SCAMP2: variants seen among roughly 807,000 people sequenced by gnomAD.
The protein encoded by SCAMP2 is secretory carrier-associated membrane protein 2.
Under a neutral mutation model 44.1 loss-of-function variants are expected in SCAMP2, and 25 were observed. That is an observed-to-expected ratio of 0.57 (90% CI 0.41 to 0.79). The LOEUF (loss-of-function observed/expected upper bound fraction) is 0.79. Ranked by LOEUF, SCAMP2 falls within the 30% of genes least tolerant of loss-of-function variation. SCAMP2 has a pLI of 0.00. For synonymous variants in SCAMP2, 156 were observed against 166.0 expected, an observed-to-expected ratio of 0.94 and a Z score of 0.46; for missense variants, 355 against 411.0, an observed-to-expected ratio of 0.86 and a Z score of 1.18.
Position 74,862,855 on chromosome 15 carries a change from C to CACACACATACACACACAT in SCAMP2, c.58-8207_58-8206insATGTGTGTGTATGTGTGT, listed in dbSNP as rs1200812403. Among the ~76,000 whole-genome samples the CACACACATACACACACAT allele has an allele frequency of 2.4e-4, 5 of 21,224 alleles. 1 individual carries two copies. Among genetic ancestry groups the CACACACATACACACACAT allele is most frequent in the African/African-American group, 9.0e-4 (5 of 5,548 alleles). The allele number at this position is 21,224 out of a possible 152,430, so 13.9% of individuals were successfully genotyped here. A position where few individuals can be genotyped will look rare whatever the true frequency, so the allele number is the denominator to read the frequency against. ...AAAAAAAAACAAAAAACAAACCATA[C>CACACACATACACACACAT]ACACACACACACACACACACACACA... On this transcript the variant is annotated intron_variant, in intron 1 of 8. Transcript: ENST00000268099.
Position 74,851,343 on chromosome 15 carries a change from T to A in SCAMP2, c.472+10A>T, listed in dbSNP as rs1567249973. Reference sequence around the variant, plus strand: ...CGCCCTTGCGCTTGGAAGGCAGGAGTGGGACTCACACATCCACAGATAGTA... The same window carrying A: ...CGCCCTTGCGCTTGGAAGGCAGGAGAGGGACTCACACATCCACAGATAGTA... On this transcript the variant is annotated intron_variant, in intron 5 of 8. Transcript: ENST00000268099. 6.2e-7 allele frequency: 1 copy of A among 1,611,976 alleles called. No individual in the cohort carries two copies. The highest frequency in any genetic ancestry group is 1.7e-5 in the Admixed American group (1 of 59,942).
intron 1 of SCAMP2, among the ~76,000 whole-genome samples, chr15:74,856,707 C>A (rs2064471372): frequency 6.6e-6 from 1 of 151,936 alleles, no homozygotes; most frequent in Admixed American, 6.6e-5. Flanking sequence ...ATTCCTCCCA[C>A]CTCAGCCTCC....
At chr15:74,856,384 C>T (rs1006867821) in intron 1 of SCAMP2, among the ~76,000 whole-genome samples, 1 of 147,966 alleles carries the variant, frequency 6.8e-6, no homozygotes, top group Non-Finnish European at 1.5e-5. Context: ...AAGCTATTCT[C>T]GTGCCTCAGC....
chr15:74,867,159 T>C (rs990277592), intron 1 of SCAMP2, among the ~76,000 whole-genome samples: 4 of 152,206 alleles, frequency 2.6e-5, no homozygotes, highest in African/African-American at 4.8e-5. Flanking sequence ...TCATTTACCA[T>C]GGTCTCCTGC....
chr15:74,846,216 A>C (rs1272410986), intron 7 of SCAMP2, among the ~76,000 whole-genome samples: 2 of 152,048 alleles, frequency 1.3e-5, no homozygotes. Context: ...TGGAAGGTGC[A>C]GGCTGCAGTG....
At chr15:74,847,253 G>T (rs1456490001) in intron 7 of SCAMP2, among the ~76,000 whole-genome samples, 1 of 152,036 alleles carries the variant, frequency 6.6e-6, no homozygotes, top group African/African-American at 2.4e-5. Context: ...CAATGCGCCT[G>T]GCCAATTTTT....
chr15:74,859,346 T>A (rs1185261239), intron 1 of SCAMP2, among the ~76,000 whole-genome samples: 1 of 152,158 alleles, frequency 6.6e-6, no homozygotes, highest in African/African-American at 2.4e-5. Flanking sequence ...CAATCTGGTA[T>A]CTGAGACAAG....
At position 74,873,298 on chromosome 15, in the gene SCAMP2, C is replaced by T; in HGVS notation, c.-43G>A. 16 of 1,470,238 alleles carry T rather than the reference C, an allele frequency of 1.1e-5. No homozygotes were observed. Among genetic ancestry groups the T allele is most frequent in the Non-Finnish European group, 1.4e-5 (16 of 1,114,642 alleles). 91.1% of individuals were successfully genotyped at this position (1,470,238 alleles called of 1,614,324 possible). A position where few individuals can be genotyped will look rare whatever the true frequency, so the allele number is the denominator to read the frequency against. On this transcript the variant is annotated 5_prime_UTR_variant, in exon 1 of 9. Transcript: ENST00000268099. ...GGGCGAACTCCGCGAACGCTGCTGC[C>T]TCCGGGCACCCAGACCCAGCGGCGC...
Position 74,871,295 on chromosome 15 carries a change from AT to A in SCAMP2, c.57+1903del, listed in dbSNP as rs879803944. Among the ~76,000 whole-genome samples the A allele has an allele frequency of 6.9e-4, 105 of 152,076 alleles. 1 individual carries two copies. Among genetic ancestry groups the A allele is most frequent in the East Asian group, 2.3e-3 (12 of 5,178 alleles). ...ACAGCGAGACCCCTTCTCTACAAAAATTTTTTTTAAAAGGAGTCAGGCCCAG... is the reference window on the plus strand; with the variant it reads ...ACAGCGAGACCCCTTCTCTACAAAAATTTTTTTAAAAGGAGTCAGGCCCAG... On this transcript the variant is annotated intron_variant, in intron 1 of 8. Transcript: ENST00000268099.
At chr15:74,849,633 A>C (rs2064422147) in intron 6 of SCAMP2, among the ~76,000 whole-genome samples, 1 of 151,584 alleles carries the variant, frequency 6.6e-6, no homozygotes, top group African/African-American at 2.4e-5. Context: ...AAGCCCAGCT[A>C]CTCCGGAGGC....
At position 74,844,879 on chromosome 15, in the gene SCAMP2, G is replaced by GTTT; in HGVS notation, c.*201_*203dup. On this transcript the variant is annotated 3_prime_UTR_variant, in exon 9 of 9. Coordinates refer to ENST00000268099, the MANE Select transcript of SCAMP2 (RefSeq NM_005697.5). ...TCACCAGAGAAGGAAAGAGAGCTTT[G>GTTT]TTTTTTTTTGTACATAGAGGGGGAA... is the stretch of plus-strand genomic sequence containing the variant. 1 of 544,052 alleles carries GTTT rather than the reference G, an allele frequency of 1.8e-6. No individual in the cohort carries two copies. The highest frequency in any genetic ancestry group is 2.6e-5 in the South Asian group (1 of 38,704). The allele number at this position is 544,052 out of a possible 1,614,324, so 33.7% of individuals were successfully genotyped here.
rs2064429237 is a variant in SCAMP2, at chr15:74,850,605, C to T, written c.541G>A (p.Gly181Arg). The T allele has an allele frequency of 6.8e-6, 11 of 1,614,102 alleles. No individual in the cohort carries two copies. Among genetic ancestry groups the T allele is most frequent in the Non-Finnish European group, 9.3e-6 (11 of 1,180,002 alleles). The change falls in exon 6 of 9, where the codon GGA (glycine) becomes AGA (arginine). Residue 181 changes from glycine to arginine, a missense_variant. Gly to Arg is a moderately radical substitution (Grantham distance 125, BLOSUM62 -2). Coordinates refer to ENST00000268099, the MANE Select transcript of SCAMP2 (RefSeq NM_005697.5). ...LAWFSGNSSK[G>R]VDFGLSILWF... is the part of the protein sequence containing the mutation. Reference sequence around the variant, plus strand: ...AGGATGGAGAGGCCAAAGTCCACTCCCTTGGAGCTGTTGCCCGAGAACCAG... The same window carrying T: ...AGGATGGAGAGGCCAAAGTCCACTCTCTTGGAGCTGTTGCCCGAGAACCAG...
intron 1 of SCAMP2, among the ~76,000 whole-genome samples, chr15:74,855,677 T>C (rs930229705): frequency 5.5e-5 from 8 of 145,244 alleles, no homozygotes; most frequent in Admixed American, 2.8e-4. Context: ...GATTGTGCCA[T>C]TGCTCTCCAG....
rs1161052500 is a variant in SCAMP2 at position 74,854,026 on chromosome 15, G to C, written c.220C>G (p.Pro74Ala). The stretch of plus-strand genomic sequence containing the variant: ...GAGTTCTTTGTCAGCACTACCTGGG[G>C]GGTCGGCTGGGTTGGTTCCACTGAT... ...QPSVEPTQPTPQAVVSAAQAG... is the reference protein window; with the variant it reads ...QPSVEPTQPTAQAVVSAAQAG... The change falls in exon 3 of 9, where the codon CCC (proline) becomes GCC (alanine). Residue 74 changes from proline to alanine, a missense_variant. Transcript: ENST00000268099. 1 of 1,613,532 alleles carries C rather than the reference G, an allele frequency of 6.2e-7. No individual in the cohort carries two copies. The highest frequency in any genetic ancestry group is 1.3e-5 in the African/African-American group (1 of 74,936).
At chr15:74,857,149 T>A (rs1401880111) in intron 1 of SCAMP2, among the ~76,000 whole-genome samples, 1 of 152,188 alleles carries the variant, frequency 6.6e-6, no homozygotes, top group Non-Finnish European at 1.5e-5. Context: ...TCTGACTGCC[T>A]CCAGGCATAC....
chr15:74,845,360 C>G, intron 8 of SCAMP2, 113 bp downstream of exon 8: 1 of 1,592,578 alleles, frequency 6.3e-7, no homozygotes, highest in Non-Finnish European at 8.6e-7. Flanking sequence ...AGGTACTGGA[C>G]CTTTGGGGGC....
chr15:74,866,549 G>A (rs1356485709), intron 1 of SCAMP2, among the ~76,000 whole-genome samples: 1 of 151,906 alleles, frequency 6.6e-6, no homozygotes, highest in Non-Finnish European at 1.5e-5. Context: ...CCACCTCTAC[G>A]AAAAATACAA....
intron 8 of SCAMP2, 110 bp from the exon 9 acceptor site, chr15:74,845,327 C>T (rs748821730): frequency 1.9e-6 from 3 of 1,578,930 alleles, no homozygotes; most frequent in African/African-American, 1.3e-5. Flanking sequence ...ACTGCCTGAC[C>T]CCCCACCCAG....
chr15:74,852,049 GC>G lies in SCAMP2; in HGVS notation c.343+19del. ...TCTATGCCAGGCAGGGCAGCCCCAGGCCCCAGCAGCCTCCCTTACCATGCAA... is the reference window on the plus strand; with the variant it reads ...TCTATGCCAGGCAGGGCAGCCCCAGGCCCAGCAGCCTCCCTTACCATGCAA... On this transcript the variant is annotated intron_variant, in intron 4 of 8. Transcript: ENST00000268099. The G allele has an allele frequency of 1.3e-6, 2 of 1,521,050 alleles. No homozygotes were observed. The highest frequency in any genetic ancestry group is 8.9e-7 in the Non-Finnish European group (1 of 1,124,788). 94.2% of individuals were successfully genotyped at this position (1,521,050 alleles called of 1,614,324 possible).
Sources: gnomAD v4.1 joint callset for allele counts (sites outside exome capture counted in the v4.1 genomes callset) on GRCh38, gnomAD v4.1.1 for gene constraint, MANE v1.5 for transcripts, NCBI Gene and HGNC (gene_info 2026-07-23, HGNC 2026-07-21) for gene names.